RAP1GAP: variants seen among roughly 807,000 people sequenced by gnomAD.
The protein encoded by RAP1GAP is rap1 GTPase-activating protein 1.
Under a neutral mutation model 87.2 loss-of-function variants are expected in RAP1GAP, and 35 were observed. The ratio of observed to expected loss-of-function variants is 0.40; its 90% confidence interval spans 0.31 to 0.53. The LOEUF (loss-of-function observed/expected upper bound fraction) is 0.53, where lower values mean the gene tolerates loss of function less well. Among genes scored for constraint, RAP1GAP ranks in the 20% least tolerant of loss-of-function variants. The probability of loss-of-function intolerance (pLI) is 0.48; values close to 1 mark genes in which losing one functional copy is unlikely to be tolerated. For synonymous variants in RAP1GAP, 375 were observed against 363.9 expected (o/e 1.03, Z -0.35); for missense variants, 734 against 898.9 (o/e 0.82, Z 2.35).
chr1:21,654,810 T>C (rs2096792313), intron 1 of RAP1GAP, among the ~76,000 whole-genome samples: 1 of 149,200 alleles, frequency 6.7e-6, no homozygotes, highest in Non-Finnish European at 1.5e-5. Context: ...CCAGCCTGGG[T>C]GACAGAGCAA....
intron 2 of RAP1GAP, among the ~76,000 whole-genome samples, chr1:21,630,017 G>A (rs1204426446): frequency 6.6e-6 from 1 of 152,200 alleles, no homozygotes; most frequent in African/African-American, 2.4e-5. Context: ...AGCAACGGCC[G>A]ACACAGCTGA....
intron 22 of RAP1GAP, 89 bp from the exon 23 acceptor site, chr1:21,598,153 C>T (rs774553447): frequency 5.8e-6 from 5 of 858,116 alleles, no homozygotes; most frequent in South Asian, 3.5e-5. Flanking sequence ...GGCACCAGTG[C>T]GCTCCAACCC....
intron 17 of RAP1GAP, among the ~76,000 whole-genome samples, chr1:21,607,407 A>G (rs2075384066): frequency 1.3e-5 from 2 of 152,196 alleles, no homozygotes; most frequent in African/African-American, 4.8e-5. Flanking sequence ...ACTGATGCTC[A>G]CAGAATGCCC....
At chr1:21,605,039 G>A (rs2073353718) in intron 18 of RAP1GAP, among the ~76,000 whole-genome samples, 2 of 150,530 alleles carry the variant, frequency 1.3e-5, no homozygotes, top group African/African-American at 2.4e-5. Flanking sequence ...ATGGGTGGGT[G>A]GATGGATGGA....
intron 17 of RAP1GAP, among the ~76,000 whole-genome samples, chr1:21,607,040 A>T (rs1385072012): frequency 6.6e-6 from 1 of 152,226 alleles, no homozygotes; most frequent in Non-Finnish European, 1.5e-5. Context: ...AGGCCTGGGC[A>T]GCCGGGCTAA....
chr1:21,618,104 G>T, intron 5 of RAP1GAP, 132 bp from the exon 6 acceptor site: 1 of 1,054,660 alleles, frequency 9.5e-7, no homozygotes, highest in Non-Finnish European at 1.5e-6. Flanking sequence ...TCTTACAGAT[G>T]GGCAGGGGCT....
intron 4 of RAP1GAP, among the ~76,000 whole-genome samples, chr1:21,619,358 G>C (rs1227609263): frequency 6.6e-6 from 1 of 151,590 alleles, no homozygotes; most frequent in African/African-American, 2.4e-5. Flanking sequence ...GCCGGTGTGC[G>C]AGCTGGCGGG....
At chr1:21,638,285 C>G (rs1276817921) in intron 2 of RAP1GAP, among the ~76,000 whole-genome samples, 1 of 151,740 alleles carries the variant, frequency 6.6e-6, no homozygotes, top group Non-Finnish European at 1.5e-5. Flanking sequence ...TGGTGAAACC[C>G]CATCTCTATT....
chr1:21,633,862 TG>T (rs1024405493), intron 2 of RAP1GAP, among the ~76,000 whole-genome samples: 1 of 151,908 alleles, frequency 6.6e-6, no homozygotes, highest in African/African-American at 2.4e-5. Flanking sequence ...ACCACCCATG[TG>T]GGGTGGAGGA....
Position 21,613,107 on chromosome 1 carries a change from G to T in RAP1GAP, c.528+69C>A. 6.9e-7 allele frequency: 1 copy of T among 1,440,456 alleles called. No individual in the cohort carries two copies. Among genetic ancestry groups the T allele is most frequent in the Non-Finnish European group, 9.8e-7 (1 of 1,022,724 alleles). 89.2% of individuals were successfully genotyped at this position (1,440,456 alleles called of 1,614,324 possible). A position where few individuals can be genotyped will look rare whatever the true frequency, so the allele number is the denominator to read the frequency against. ...GGAAAGTATCTGGCACACAGAAGGT[G>T]CTTAATAAATGCTCAGTCTTCCAGT... On this transcript the variant is annotated intron_variant, in intron 10 of 24. Coordinates refer to ENST00000374765, the MANE Select transcript of RAP1GAP (RefSeq NM_002885.4). The surrounding 1 kb of genome is among the most constrained non-coding windows in gnomAD (Gnocchi z 4.7).
At chr1:21,602,509 G>A (rs2069574528) in intron 19 of RAP1GAP, among the ~76,000 whole-genome samples, 1 of 152,212 alleles carries the variant, frequency 6.6e-6, no homozygotes, top group South Asian at 2.1e-4. Context: ...GAGCACGGAT[G>A]CTGGCCCTAG....
rs565043487 is a variant in RAP1GAP at position 21,611,525 on chromosome 1, C to T, written c.770G>A (p.Cys257Tyr). 6.2e-7 allele frequency: 1 copy of T among 1,614,206 alleles called. No homozygotes were observed. Among genetic ancestry groups the T allele is most frequent in the Admixed American group, 1.7e-5 (1 of 60,032 alleles). The change falls in exon 13 of 25, where the codon TGC (cysteine) becomes TAC (tyrosine). Residue 257 changes from cysteine (C) to tyrosine (Y), a missense_variant. By Grantham distance (194) the Cys-to-Tyr change is radical. Transcript: ENST00000374765. ...CATGATCTCCTTGTTGCGGAAGTTG[C>T]AGTACACAGATTCGGTCCCCGTCTG... ...HGQTGTESVY[C>Y]NFRNKEIMFH...
chr1:21,598,140 G>A, intron 22 of RAP1GAP, 76 bp from the exon 23 acceptor site: 1 of 962,480 alleles, frequency 1.0e-6, no homozygotes, highest in South Asian at 1.6e-5. Context: ...TAGGTGGGCG[G>A]TCGGCACCAG....
At chr1:21,656,377 C>G (rs2096857520) in intron 1 of RAP1GAP, among the ~76,000 whole-genome samples, 1 of 143,428 alleles carries the variant, frequency 7.0e-6, no homozygotes, top group Non-Finnish European at 1.5e-5. Context: ...AAAGATCACA[C>G]CACTGCACTG....
Position 21,651,654 on chromosome 1 carries a change from C to T in RAP1GAP, c.-148-1858G>A, listed in dbSNP as rs761103799. 1.7e-5 allele frequency: 17 copies of T among 999,090 alleles called. No individual in the cohort carries two copies. The South Asian group carries it at 1.8e-4, about 11-fold the overall frequency. The allele number at this position is 999,090 out of a possible 1,614,324, so 61.9% of individuals were successfully genotyped here. On this transcript the variant is annotated intron_variant, in intron 1 of 24. Transcript: ENST00000374765. Reference sequence around the variant, plus strand: ...GCGCGCACTGAGGTCAAACGCTCAGCCCCCACAGCAGTCATAGCCCAGGCC... The same window carrying T: ...GCGCGCACTGAGGTCAAACGCTCAGTCCCCACAGCAGTCATAGCCCAGGCC...
At chr1:21,658,833 G>A (rs557873081) in intron 1 of RAP1GAP, among the ~76,000 whole-genome samples, 57 of 151,696 alleles carry the variant, frequency 3.8e-4, no homozygotes, top group African/African-American at 1.2e-3. Context: ...CATGTAGGGA[G>A]GTGGAGGGCC....
chr1:21,639,764 C>T (rs1004325343), intron 2 of RAP1GAP, among the ~76,000 whole-genome samples: 4 of 152,152 alleles, frequency 2.6e-5, no homozygotes, highest in African/African-American at 4.8e-5. Context: ...CAGACTCAGC[C>T]GGTGGGCGGG....
rs2094280467 is a variant in RAP1GAP at position 21,634,051 on chromosome 1, C to G, written c.-112-7654G>C. ...AACCAAGTGGCTGCCCCAGAACTGC[C>G]CCCTCCCGGGGGGGGGGGGGGGCCA... is the stretch of plus-strand genomic sequence containing the variant. On this transcript the variant is annotated intron_variant, in intron 2 of 24. Transcript: ENST00000374765. This position sits in a 1 kb window ranked among gnomAD's most constrained non-coding sequence, Gnocchi z 4.1. Among the ~76,000 whole-genome samples the G allele has an allele frequency of 1.1e-4, 4 of 35,220 alleles. No individual in the cohort carries two copies. Among genetic ancestry groups the G allele is most frequent in the Admixed American group, 3.5e-4 (1 of 2,854 alleles). 23.1% of individuals were successfully genotyped at this position (35,220 alleles called of 152,430 possible).
chr1:21,642,576 C>T (rs1258246070), intron 2 of RAP1GAP, among the ~76,000 whole-genome samples: 2 of 152,136 alleles, frequency 1.3e-5, no homozygotes, highest in African/African-American at 4.8e-5. Context: ...CCCTGAGCTG[C>T]GGCTGACTCA....
Sources: gnomAD v4.1 joint callset for allele counts (sites outside exome capture counted in the v4.1 genomes callset) on GRCh38, gnomAD v4.1.1 for gene constraint, Gnocchi (gnomAD v3.1) non-coding constraint, MANE v1.5 for transcripts, NCBI Gene and HGNC (gene_info 2026-07-23, HGNC 2026-07-21) for gene names.